PDE7B: variants seen among roughly 807,000 people sequenced by gnomAD.
PDE7B encodes phosphodiesterase 7B.
PDE7B carries 29 observed loss-of-function variants against 56.2 expected under a neutral mutation model. That is an observed-to-expected ratio of 0.52 (90% CI 0.38 to 0.70). The LOEUF (loss-of-function observed/expected upper bound fraction) is 0.70, where lower values mean the gene tolerates loss of function less well. Among genes scored for constraint, PDE7B ranks in the 30% least tolerant of loss-of-function variants. The pLI is 0.00. For synonymous variants in PDE7B, 197 were observed against 196.9 expected (o/e 1.00, Z 0.00); for missense variants, 490 against 565.0 (o/e 0.87, Z 1.35).
chr6:136,089,976 A>G (rs1291640150), intron 2 of PDE7B, among the ~76,000 whole-genome samples: 1 of 152,134 alleles, frequency 6.6e-6, no homozygotes, highest in Admixed American at 6.5e-5. Flanking sequence ...TGTCTTTCCA[A>G]AGCATCTATC....
chr6:136,077,708 A>T (rs1300299047), intron 2 of PDE7B, among the ~76,000 whole-genome samples: 1 of 152,220 alleles, frequency 6.6e-6, no homozygotes, highest in Non-Finnish European at 1.5e-5. Context: ...AATTTTTAAA[A>T]TTATTATGGT....
intron 2 of PDE7B, among the ~76,000 whole-genome samples, chr6:136,048,666 T>G (rs775282325): frequency 6.6e-6 from 1 of 152,150 alleles, no homozygotes; most frequent in Admixed American, 6.6e-5. Context: ...ACAATTTTAG[T>G]GGGAAGTGAT....
At chr6:136,094,407 A>G (rs1420076552) in intron 2 of PDE7B, among the ~76,000 whole-genome samples, 1 of 152,092 alleles carries the variant, frequency 6.6e-6, no homozygotes, top group Non-Finnish European at 1.5e-5. Flanking sequence ...TCCAGAAAGT[A>G]CCAGGCATGT....
rs1005682294 is a variant in PDE7B at position 135,998,899 on chromosome 6, GGAGA to G, written c.82+51379_82+51382del. Among the ~76,000 whole-genome samples, 4 of 152,072 alleles carry G rather than the reference GGAGA, an allele frequency of 2.6e-5. No homozygotes were observed. The East Asian group carries it at 7.7e-4, about 29-fold the overall frequency. ...AAAGAGAGAGGAAAGAAGGAGGAGG[GGAGA>G]GAGTGAGAGAAAGCAATATGGCTCT... On this transcript the variant is annotated intron_variant, in intron 2 of 12. Coordinates refer to ENST00000308191, the MANE Select transcript of PDE7B (RefSeq NM_018945.4).
At chr6:136,003,815 C>A (rs1775720088) in intron 2 of PDE7B, among the ~76,000 whole-genome samples, 1 of 152,100 alleles carries the variant, frequency 6.6e-6, no homozygotes, top group African/African-American at 2.4e-5. Context: ...CTATTCCAAT[C>A]AATAGAAAAA....
intron 1 of PDE7B, among the ~76,000 whole-genome samples, chr6:135,915,649 C>A (rs758760974): frequency 6.6e-6 from 1 of 152,162 alleles, no homozygotes; most frequent in African/African-American, 2.4e-5. Context: ...ACACACACCA[C>A]GTCCAGGTAT....
At chr6:136,162,615 A>G (rs1778724917) in intron 8 of PDE7B, among the ~76,000 whole-genome samples, 2 of 152,144 alleles carry the variant, frequency 1.3e-5, no homozygotes, top group East Asian at 3.9e-4. Flanking sequence ...CATTCCCCAA[A>G]GTTTTAACTC....
intron 11 of PDE7B, among the ~76,000 whole-genome samples, chr6:136,184,286 A>G (rs1172288348): frequency 6.6e-6 from 1 of 152,194 alleles, no homozygotes; most frequent in Non-Finnish European, 1.5e-5. Context: ...CGTGTTGAAT[A>G]AGTGAATGAA....
In PDE7B at chr6:135,879,520, C is replaced by T. The variant is rs1387443225; in HGVS notation, c.21+27501C>T. ...TTAGCCAAGGCATACTCTGCAGGAC[C>T]TACAAAAAGTGGTTTTTTTTTTCTT... On this transcript the variant is annotated intron_variant, in intron 1 of 12. Coordinates refer to ENST00000308191, the MANE Select transcript of PDE7B (RefSeq NM_018945.4). 2.6e-5 allele frequency among the ~76,000 whole-genome samples: 4 copies of T among 152,040 alleles called. No individual in the cohort carries two copies. In the East Asian group the frequency reaches 7.7e-4, roughly 29 times the overall value.
intron 2 of PDE7B, among the ~76,000 whole-genome samples, chr6:136,090,973 C>T (rs149926192): frequency 0.013 from 2,041 of 152,304 alleles, 40 homozygotes; most frequent in African/African-American, 0.047. Flanking sequence ...ATTCCCCTAG[C>T]CAAAGTGTCC....
At chr6:135,924,617 C>CTTTTTTTTT (rs3037775) in intron 1 of PDE7B, among the ~76,000 whole-genome samples, 5 of 49,582 alleles carry the variant, frequency 1.0e-4, no homozygotes, top group African/African-American at 3.0e-4. Flanking sequence ...CTCTCTCTCT[C>CTTTTTTTTT]TTTTTTTTTT....
intron 2 of PDE7B, among the ~76,000 whole-genome samples, chr6:136,048,019 C>T (rs1776544456): frequency 6.6e-6 from 1 of 152,012 alleles, no homozygotes; most frequent in Non-Finnish European, 1.5e-5. Context: ...TTCTTCATTC[C>T]TTAGAAAATA....
chr6:136,184,627 C>T (rs1779117067), intron 11 of PDE7B, among the ~76,000 whole-genome samples: 1 of 152,084 alleles, frequency 6.6e-6, no homozygotes, highest in East Asian at 1.9e-4. Context: ...CCTTGTAGAC[C>T]AGCTCAGTCT....
chr6:135,874,057 G>A (rs900615791), intron 1 of PDE7B, among the ~76,000 whole-genome samples: 1 of 152,154 alleles, frequency 6.6e-6, no homozygotes, highest in Non-Finnish European at 1.5e-5. Context: ...AGGGAATGTG[G>A]GAGGATGGGC....
In PDE7B at chr6:135,903,763, C is replaced by T. The variant is rs1776047488; in HGVS notation, c.22-43701C>T. 1.3e-5 allele frequency among the ~76,000 whole-genome samples: 2 copies of T among 152,110 alleles called. 1 individual carries two copies. The highest frequency in any genetic ancestry group is 4.1e-4 in the South Asian group (2 of 4,820). On this transcript the variant is annotated intron_variant, in intron 1 of 12. Transcript: ENST00000308191. ...GAGTTCAGTATTTTATGTACAAAATCTTGTATTTTTAGAGAAATTAATAGA... is the reference window on the plus strand; with the variant it reads ...GAGTTCAGTATTTTATGTACAAAATTTTGTATTTTTAGAGAAATTAATAGA...
chr6:135,920,925 A>T (rs1020862564), intron 1 of PDE7B, among the ~76,000 whole-genome samples: 26 of 152,126 alleles, frequency 1.7e-4, no homozygotes, highest in Admixed American at 1.7e-3. Flanking sequence ...TTATGTTCTG[A>T]TAAACAATGT....
intron 1 of PDE7B, among the ~76,000 whole-genome samples, chr6:135,918,933 A>G: frequency 6.6e-6 from 1 of 152,126 alleles, no homozygotes; most frequent in East Asian, 1.9e-4. Flanking sequence ...TGTTGTGTTT[A>G]TTTCCTCTGC....
chr6:135,932,622 C>A (rs1235307628), intron 1 of PDE7B, among the ~76,000 whole-genome samples: 1 of 152,128 alleles, frequency 6.6e-6, no homozygotes, highest in Non-Finnish European at 1.5e-5. Context: ...GAGCCAGGAG[C>A]TTTCCTGATC....
At chr6:135,874,461 T>C (rs898034136) in intron 1 of PDE7B, among the ~76,000 whole-genome samples, 10 of 152,224 alleles carry the variant, frequency 6.6e-5, no homozygotes, top group African/African-American at 9.6e-5. Context: ...TATTTTATAA[T>C]GTCTACAATT....
Sources: allele counts gnomAD v4.1 joint callset (sites outside exome capture counted in the v4.1 genomes callset), GRCh38; gene constraint gnomAD v4.1.1; transcripts MANE v1.5; gene names NCBI Gene and HGNC (gene_info 2026-07-23, HGNC 2026-07-21).